Variants in B3GALNT1 observed in about 807,000 individuals in gnomAD.
B3GALNT1 encodes UDP-GalNAc:beta-1,3-N-acetylgalactosaminyltransferase 1.
In B3GALNT1, 17 loss-of-function variants were observed where a neutral mutation model predicts 27.3. That is an observed-to-expected ratio of 0.62 (90% CI 0.43 to 0.94). B3GALNT1 has a LOEUF of 0.94. Among genes scored for constraint, B3GALNT1 ranks in the 40% least tolerant of loss-of-function variants. The pLI, the probability that B3GALNT1 is intolerant of heterozygous loss-of-function variation, is 0.00. For missense variants in B3GALNT1, 347 were observed against 390.0 expected (o/e 0.89, Z 0.93); for synonymous variants, 141 against 144.0 (o/e 0.98, Z 0.15).
At chr3:161,095,253 C>T (rs4443220) in intron 4 of B3GALNT1, among the ~76,000 whole-genome samples, 1 of 152,048 alleles carries the variant, frequency 6.6e-6, no homozygotes, top group Non-Finnish European at 1.5e-5. Flanking sequence ...TCATGCCTCA[C>T]ATCTCAGCAC....
chr3:161,101,913 C>A (rs186177804), intron 3 of B3GALNT1, among the ~76,000 whole-genome samples: 274 of 152,222 alleles, frequency 1.8e-3, no homozygotes, highest in Non-Finnish European at 3.1e-3. Flanking sequence ...ATGGTTTGAG[C>A]CCTATGACAT....
intron 2 of B3GALNT1, chr3:161,104,016 C>T: frequency 4.5e-6 from 1 of 224,084 alleles, no homozygotes; most frequent in Non-Finnish European, 8.9e-6. Flanking sequence ...CGTGAGCCAC[C>T]GCGCCCGGCC....
Position 161,086,532 on chromosome 3 carries a change from G to A in B3GALNT1, c.223C>T (p.His75Tyr), listed in dbSNP as rs766473939. ...FTLREHSNCS[H>Y]QNPFLVILVT... ...AGAATGACCAGAAATGGATTTTGAT[G>A]AGAGCAGTTTGAATGCTCTCGAAGT... is the stretch of plus-strand genomic sequence containing the variant. Residue 75 changes from histidine (H) to tyrosine (Y), a missense_variant, in exon 5 of 5, where the codon CAT becomes TAT. Physicochemically the swap from His to Tyr is moderately conservative, Grantham distance 83. Transcript: ENST00000320474. 1.5e-5 allele frequency: 25 copies of A among 1,614,064 alleles called. No homozygotes were observed. Among genetic ancestry groups the A allele is most frequent in the Non-Finnish European group, 2.1e-5 (25 of 1,180,054 alleles).
intron 1 of B3GALNT1, 71 bp from the exon 2 acceptor site, chr3:161,104,477 A>C (rs1387494533): frequency 4.7e-6 from 3 of 632,724 alleles, no homozygotes; most frequent in South Asian, 3.5e-5. Flanking sequence ...AACATTAAGA[A>C]GGCGAACGGA....
intron 4 of B3GALNT1, among the ~76,000 whole-genome samples, chr3:161,092,440 T>C (rs1035777314): frequency 7.9e-5 from 12 of 152,196 alleles, no homozygotes; most frequent in African/African-American, 2.9e-4. Context: ...TAAATAATGA[T>C]TTTTTTCTAA....
intron 4 of B3GALNT1, among the ~76,000 whole-genome samples, chr3:161,087,177 T>C (rs530950428): frequency 1.9e-4 from 29 of 152,164 alleles, no homozygotes; most frequent in Non-Finnish European, 4.1e-4. Flanking sequence ...TATCTCCTCT[T>C]TATAACTATA....
Position 161,084,977 on chromosome 3 carries a change from C to T in B3GALNT1, c.*782G>A, listed in dbSNP as rs897318346. On this transcript the variant is annotated 3_prime_UTR_variant, in exon 5 of 5. Transcript: ENST00000320474. Reference sequence around the variant, plus strand: ...GGAACTGTATTTTTTAAAAACAAGACAATACTTCAGATTTTCTTGCTTTAA... The same window carrying T: ...GGAACTGTATTTTTTAAAAACAAGATAATACTTCAGATTTTCTTGCTTTAA... 6.6e-6 allele frequency: 1 copy of T among 152,076 alleles called. No homozygotes were observed. The highest frequency in any genetic ancestry group is 6.6e-5 in the Admixed American group (1 of 15,262). The allele number at this position is 152,076 out of a possible 1,614,324, so 9.4% of individuals were successfully genotyped here. A position where few individuals can be genotyped will look rare whatever the true frequency, so the allele number is the denominator to read the frequency against.
At chr3:161,104,506 C>T (rs1235357387) in intron 1 of B3GALNT1, 100 bp from the exon 2 acceptor site, 6 of 453,034 alleles carry the variant, frequency 1.3e-5, no homozygotes, top group Non-Finnish European at 3.8e-6. Flanking sequence ...TCAAAGACTA[C>T]CCGTACTTGA....
Position 161,084,617 on chromosome 3 carries a change from C to A in B3GALNT1, c.*1142G>T, listed in dbSNP as rs1720838458. On this transcript the variant is annotated 3_prime_UTR_variant, in exon 5 of 5. Transcript: ENST00000320474. ...TATCACCACGTCTATGAAGAAATTT[C>A]TTTCTATAAAAGCACAAAATTTAAA... The A allele has an allele frequency of 6.6e-6, 1 of 152,132 alleles. No individual in the cohort carries two copies. The highest frequency in any genetic ancestry group is 2.1e-4 in the South Asian group (1 of 4,828). 9.4% of individuals were successfully genotyped at this position (152,132 alleles called of 1,614,324 possible).
intron 4 of B3GALNT1, among the ~76,000 whole-genome samples, chr3:161,094,453 G>A (rs544613785): frequency 3.9e-5 from 6 of 152,108 alleles, no homozygotes; most frequent in African/African-American, 1.4e-4. Flanking sequence ...AAGATTCCAG[G>A]AAAACAGACA....
rs1721730425 is a variant in B3GALNT1 at position 161,086,287 on chromosome 3, G to A, written c.468C>T (p.Thr156=). ...QDFLDTYNNL[T]LKTIMAFRWV... ...ACCTGAATGCCATAATGGTTTTCAA[G>A]GTCAGGTTATTATATGTGTCTAAAA... The change falls in exon 5 of 5, where the codon ACC becomes ACT. Residue 156 remains threonine (T), a synonymous_variant. Transcript: ENST00000320474. 1.2e-6 allele frequency: 2 copies of A among 1,614,138 alleles called. No homozygotes were observed. The highest frequency in any genetic ancestry group is 8.5e-7 in the Non-Finnish European group (1 of 1,180,032).
chr3:161,091,125 C>T (rs1724846300), intron 4 of B3GALNT1, among the ~76,000 whole-genome samples: 1 of 151,956 alleles, frequency 6.6e-6, no homozygotes, highest in African/African-American at 2.4e-5. Flanking sequence ...TAAAATTAGC[C>T]AGGCATGGTG....
At position 161,086,440 on chromosome 3, in the gene B3GALNT1, C is replaced by CT; in HGVS notation, c.314dup (p.Ser106ValfsTer6). ...TAAGAACCTCATATCCCCACCAAGA[C>CT]TTTTTTTCACCCCAAGTAACTCTAA... On this transcript the variant is annotated frameshift_variant, in exon 5 of 5. Transcript: ENST00000320474. LOFTEE classifies it high-confidence loss of function. 1 of 1,613,916 alleles carries CT rather than the reference C, an allele frequency of 6.2e-7. No individual in the cohort carries two copies. Among genetic ancestry groups the CT allele is most frequent in the Non-Finnish European group, 8.5e-7 (1 of 1,180,024 alleles).
At chr3:161,086,876 GT>G in intron 4 of B3GALNT1, 88 bp from the exon 5 acceptor site, 1 of 1,370,506 alleles carries the variant, frequency 7.3e-7, no homozygotes, top group Non-Finnish European at 1.0e-6. Context: ...AGGAGAAAGA[GT>G]AGGAGAACAG....
chr3:161,093,020 G>A (rs999850030), intron 4 of B3GALNT1, among the ~76,000 whole-genome samples: 1 of 151,960 alleles, frequency 6.6e-6, no homozygotes, highest in Non-Finnish European at 1.5e-5. Context: ...GCCTCCCAAA[G>A]TGCTGGGATT....
chr3:161,092,805 C>T (rs920559416), intron 4 of B3GALNT1, among the ~76,000 whole-genome samples: 25 of 123,118 alleles, frequency 2.0e-4, no homozygotes, highest in African/African-American at 7.4e-4. Context: ...CTCGCTCTGT[C>T]GCCCAGGCTG....
chr3:161,095,478 T>G (rs1234400142), intron 4 of B3GALNT1, among the ~76,000 whole-genome samples: 2 of 152,248 alleles, frequency 1.3e-5, no homozygotes, highest in Non-Finnish European at 2.9e-5. Flanking sequence ...CTTTGTAAGT[T>G]TATACTTGGC....
At chr3:161,102,318 T>C (rs1344145639) in intron 3 of B3GALNT1, among the ~76,000 whole-genome samples, 2 of 152,138 alleles carry the variant, frequency 1.3e-5, no homozygotes, top group Non-Finnish European at 2.9e-5. Context: ...CTAGCTTTCT[T>C]TTAGTTCCTT....
chr3:161,098,178 T>C (rs1178541322), intron 4 of B3GALNT1, among the ~76,000 whole-genome samples: 1 of 152,170 alleles, frequency 6.6e-6, no homozygotes, highest in African/African-American at 2.4e-5. Flanking sequence ...ACCAATATTA[T>C]AACATTTATC....
Sources: gnomAD v4.1 joint callset for allele counts (sites outside exome capture counted in the v4.1 genomes callset) on GRCh38, gnomAD v4.1.1 for gene constraint, MANE v1.5 for transcripts, NCBI Gene and HGNC (gene_info 2026-07-23, HGNC 2026-07-21) for gene names.